JADE3: variants seen among roughly 807,000 people sequenced by gnomAD.
JADE3 encodes protein Jade-3.
A neutral mutation model predicts 50.1 loss-of-function variants in JADE3; 2 were observed. The ratio of observed to expected loss-of-function variants is 0.04; its 90% CI spans 0.02 to 0.13. JADE3 has a LOEUF of 0.13. Among genes scored for constraint, JADE3 ranks in the 10% least tolerant of loss-of-function variants. The pLI is 1.00. For synonymous variants in JADE3, 218 were observed against 232.9 expected (o/e 0.94, Z 0.58); for missense variants, 475 against 634.4 (o/e 0.75, Z 2.70).
At chrX:46,976,910 T>C (rs782700621) in intron 1 of JADE3, among the ~76,000 whole-genome samples, 2 of 111,998 alleles carry the variant, frequency 1.8e-5, no homozygotes, top group East Asian at 2.8e-4. Context: ...TGCCGTATGC[T>C]TTCAGGTGTC....
chrX:47,032,011 G>C (rs1929029801), intron 6 of JADE3, among the ~76,000 whole-genome samples: 1 of 111,783 alleles, frequency 8.9e-6, no homozygotes, highest in Non-Finnish European at 1.9e-5. Flanking sequence ...GAGGGGCCTG[G>C]AGTTTGAACC....
chrX:47,026,861 G>A lies in JADE3; in HGVS notation c.476-1031G>A, dbSNP rs1192457472. Among the ~76,000 whole-genome samples the A allele has an allele frequency of 2.7e-5, 3 of 110,938 alleles. No individual in the cohort carries two copies. In the Admixed American group the frequency reaches 2.9e-4, roughly 11 times the overall value. On this transcript the variant is annotated intron_variant, in intron 5 of 10. Transcript: ENST00000614628. Reference sequence around the variant, plus strand: ...TAAATAACGTGTCAAAGTTTACATAGCTAATATGAGGTAAGGTTGGAATTT... The same window carrying A: ...TAAATAACGTGTCAAAGTTTACATAACTAATATGAGGTAAGGTTGGAATTT...
intron 1 of JADE3, among the ~76,000 whole-genome samples, chrX:46,947,510 C>T (rs1926909189): frequency 9.0e-6 from 1 of 111,665 alleles, no homozygotes; most frequent in African/African-American, 3.3e-5. Flanking sequence ...AGAATATAAA[C>T]TACAGTTGCT....
intron 4 of JADE3, among the ~76,000 whole-genome samples, chrX:47,023,506 T>C (rs1329357023): frequency 8.9e-6 from 1 of 112,188 alleles, no homozygotes; most frequent in Non-Finnish European, 1.9e-5. Flanking sequence ...CTTTATCCAG[T>C]CTATCATTGA....
chrX:46,915,005 C>G (rs1451336436), intron 1 of JADE3, among the ~76,000 whole-genome samples: 1 of 112,092 alleles, frequency 8.9e-6, no homozygotes, highest in African/African-American at 3.2e-5. Context: ...TTGTCCTCTC[C>G]TTTAATAATG....
chrX:46,958,290 A>G (rs1927178585), intron 1 of JADE3, among the ~76,000 whole-genome samples: 1 of 112,355 alleles, frequency 8.9e-6, no homozygotes, highest in Non-Finnish European at 1.9e-5. Flanking sequence ...ATTTAATTGC[A>G]GTGACTTTAC....
chrX:46,922,556 T>G (rs189642217), intron 1 of JADE3, among the ~76,000 whole-genome samples: 1 of 111,222 alleles, frequency 9.0e-6, no homozygotes, highest in East Asian at 2.8e-4. Flanking sequence ...CGTCTCTTTT[T>G]AATTTTTATT....
intron 4 of JADE3, among the ~76,000 whole-genome samples, chrX:47,010,475 G>C (rs1296014813): frequency 8.9e-6 from 1 of 111,877 alleles, no homozygotes; most frequent in African/African-American, 3.3e-5. Context: ...TGATCCGCCT[G>C]GCTTGGCTGG....
At chrX:47,038,646 C>A (rs1929185249) in intron 7 of JADE3, among the ~76,000 whole-genome samples, 1 of 74,121 alleles carries the variant, frequency 1.3e-5, no homozygotes, top group African/African-American at 5.8e-5. Context: ...AGAGGGAGAC[C>A]TTGTCTCTAA....
intron 4 of JADE3, among the ~76,000 whole-genome samples, chrX:47,020,461 A>AT (rs1270939084): frequency 2.7e-5 from 3 of 112,155 alleles, no homozygotes; most frequent in African/African-American, 9.7e-5. Context: ...TTGAAGCTGC[A>AT]TTTAAAAAAT....
At chrX:47,003,438 A>G (rs1387523452) in intron 4 of JADE3, among the ~76,000 whole-genome samples, 11 of 109,223 alleles carry the variant, frequency 1.0e-4, no homozygotes, top group Non-Finnish European at 1.9e-4. Context: ...AATTCAGTCC[A>G]TAACACCAAG....
At chrX:46,954,382 A>G (rs1301518490) in intron 1 of JADE3, among the ~76,000 whole-genome samples, 1 of 112,053 alleles carries the variant, frequency 8.9e-6, no homozygotes, top group African/African-American at 3.2e-5. Context: ...AGAAGAAACT[A>G]CTAAATAACA....
chrX:46,973,048 G>C (rs782388027), intron 1 of JADE3, among the ~76,000 whole-genome samples: 103 of 112,408 alleles, frequency 9.2e-4, no homozygotes, highest in Non-Finnish European at 1.7e-3. Context: ...GTCCTTTACA[G>C]AAAAAGTTGG....
At chrX:46,923,849 A>G (rs1926298271) in intron 1 of JADE3, among the ~76,000 whole-genome samples, 1 of 111,639 alleles carries the variant, frequency 9.0e-6, no homozygotes, top group Non-Finnish European at 1.9e-5. Flanking sequence ...GTTCTTAACC[A>G]TGGAGCTGGT....
intron 1 of JADE3, among the ~76,000 whole-genome samples, chrX:46,965,637 A>G (rs1013040868): frequency 1.1e-4 from 12 of 111,318 alleles, no homozygotes; most frequent in Non-Finnish European, 1.9e-4. Context: ...GCTGAGCCTT[A>G]TAAGAATTAG....
At chrX:46,930,299 T>C (rs1256126332) in intron 1 of JADE3, among the ~76,000 whole-genome samples, 1 of 111,964 alleles carries the variant, frequency 8.9e-6, no homozygotes. Context: ...CCATCAGATA[T>C]GTGAGTGAAG....
At chrX:47,002,290 G>T (rs1423660196) in intron 4 of JADE3, among the ~76,000 whole-genome samples, 1 of 111,232 alleles carries the variant, frequency 9.0e-6, no homozygotes, top group Non-Finnish European at 1.9e-5. Context: ...AAGATATGAG[G>T]CATAGATCAA....
At position 46,972,447 on chromosome X, in the gene JADE3, C is replaced by T. The variant is rs782409276; in HGVS notation, c.-11-12437C>T. On this transcript the variant is annotated intron_variant, in intron 1 of 10. Transcript: ENST00000614628. ...CTGACCTCAGGTTATCTGTCTGCCT[C>T]GGCCTCCCAAAATGCTGGGATTACA... is the stretch of plus-strand genomic sequence containing the variant. Among the ~76,000 whole-genome samples the T allele has an allele frequency of 3.6e-5, 4 of 112,012 alleles. No individual in the cohort carries two copies. In the East Asian group the frequency reaches 8.4e-4, roughly 24 times the overall value.
At position 47,060,246 on chromosome X, in the gene JADE3, G is replaced by GC. The variant is rs1401066430; in HGVS notation, c.*1169_*1170insC. ...AGAATAATTACATTTGCGGGGGGGGGGGTGGATAAAAACATGTCTGCTTCT... is the reference window on the plus strand; with the variant it reads ...AGAATAATTACATTTGCGGGGGGGGGCGGTGGATAAAAACATGTCTGCTTCT... On this transcript the variant is annotated 3_prime_UTR_variant, in exon 11 of 11. Coordinates refer to ENST00000614628, the MANE Select transcript of JADE3 (RefSeq NM_014735.5). 4 of 101,074 alleles carry GC rather than the reference G, an allele frequency of 4.0e-5. No homozygotes were observed. The highest frequency in any genetic ancestry group is 8.1e-5 in the Non-Finnish European group (4 of 49,659). 8.3% of individuals were successfully genotyped at this position (101,074 alleles called of 1,213,427 possible).
Sources: gnomAD v4.1 joint callset for allele counts (sites outside exome capture counted in the v4.1 genomes callset) on GRCh38, gnomAD v4.1.1 for gene constraint, MANE v1.5 for transcripts, NCBI Gene and HGNC (gene_info 2026-07-23, HGNC 2026-07-21) for gene names.